Variants in RASSF3 observed in about 807,000 individuals in gnomAD.
RASSF3 encodes ras association domain-containing protein 3.
RASSF3 carries 19 observed loss-of-function variants against 19.9 expected under a neutral mutation model. The ratio of observed to expected loss-of-function variants is 0.96; its 90% CI spans 0.67 to 1.40. The LOEUF is 1.40. RASSF3 is among the 40% of genes most tolerant of loss of function. RASSF3 has a pLI of 0.00. For synonymous variants in RASSF3, 110 were observed against 104.2 expected (o/e 1.06, Z -0.34); for missense variants, 306 against 289.8 (o/e 1.06, Z -0.41).
chr12:64,671,615 T>G lies in RASSF3; in HGVS notation c.112-13172T>G, dbSNP rs897097797. On this transcript the variant is annotated intron_variant, in intron 1 of 4. Coordinates refer to ENST00000542104, the MANE Select transcript of RASSF3 (RefSeq NM_178169.4). Reference sequence around the variant, plus strand: ...TAACTTTTATTTGAATTGCTCTGACTTATCATTTAATAACTCCGGAGGACT... The same window carrying G: ...TAACTTTTATTTGAATTGCTCTGACGTATCATTTAATAACTCCGGAGGACT... 2.0e-5 allele frequency among the ~76,000 whole-genome samples: 3 copies of G among 152,250 alleles called. No individual in the cohort carries two copies. In the South Asian group the frequency reaches 6.2e-4, roughly 31 times the overall value.
At chr12:64,685,802 A>G (rs1479610165) in intron 2 of RASSF3, among the ~76,000 whole-genome samples, 1 of 152,204 alleles carries the variant, frequency 6.6e-6, no homozygotes, top group Non-Finnish European at 1.5e-5. Flanking sequence ...GCGGAGCTAG[A>G]GTATTCATGT....
intron 1 of RASSF3, among the ~76,000 whole-genome samples, chr12:64,684,525 C>T (rs1208431162): frequency 3.3e-5 from 5 of 151,414 alleles, no homozygotes; most frequent in Admixed American, 2.6e-4. Context: ...CTGCCTCTCA[C>T]GTTCAAAGTG....
intron 1 of RASSF3, among the ~76,000 whole-genome samples, chr12:64,522,091 G>T (rs369770346): frequency 3.3e-5 from 5 of 152,170 alleles, no homozygotes; most frequent in Admixed American, 2.0e-4. Flanking sequence ...ACACCATGAA[G>T]CATGAAAGCA....
intron 1 of RASSF3, among the ~76,000 whole-genome samples, chr12:64,633,638 T>C (rs940832709): frequency 8.5e-5 from 13 of 152,126 alleles, no homozygotes; most frequent in African/African-American, 3.1e-4. Context: ...CAGATACTCT[T>C]TTATAGCAAT....
intron 1 of RASSF3, among the ~76,000 whole-genome samples, chr12:64,516,435 C>T (rs1233430597): frequency 2.7e-5 from 4 of 150,572 alleles, no homozygotes; most frequent in African/African-American, 4.9e-5. Context: ...CCGACTAGAA[C>T]GGTGAAACCC....
At chr12:64,528,944 T>C (rs1191638100), upstream of RASSF3, among the ~76,000 whole-genome samples, 1 of 152,254 alleles carries the variant, frequency 6.6e-6, no homozygotes, top group Non-Finnish European at 1.5e-5. Context: ...GGCAGGTTAC[T>C]CAGCCTTTCG....
chr12:64,667,963 T>C (rs1413344266), intron 1 of RASSF3, among the ~76,000 whole-genome samples: 2 of 152,230 alleles, frequency 1.3e-5, no homozygotes, highest in African/African-American at 2.4e-5. Context: ...GTCACGCAGA[T>C]AGCTGGCAAC....
intron 2 of RASSF3, among the ~76,000 whole-genome samples, chr12:64,557,008 T>C (rs1278783616): frequency 1.3e-5 from 2 of 152,048 alleles, no homozygotes; most frequent in Non-Finnish European, 2.9e-5. Context: ...GGCTAATTTT[T>C]GTATTTTTAG....
chr12:64,642,226 G>C (rs1871560902), intron 1 of RASSF3, among the ~76,000 whole-genome samples: 2 of 151,796 alleles, frequency 1.3e-5, no homozygotes, highest in Non-Finnish European at 2.9e-5. Context: ...ACTATCTTAA[G>C]GAAAAAAGTC....
At chr12:64,650,543 G>A (rs916144337) in intron 1 of RASSF3, among the ~76,000 whole-genome samples, 4 of 146,760 alleles carry the variant, frequency 2.7e-5, no homozygotes, top group African/African-American at 1.0e-4. Flanking sequence ...AGCCTTCTAA[G>A]TAGCTGGGAT....
At chr12:64,535,537 G>A (rs966147835) in intron 1 of RASSF3, among the ~76,000 whole-genome samples, 66 of 151,854 alleles carry the variant, frequency 4.3e-4, no homozygotes, top group African/African-American at 1.5e-3. Context: ...CTAATTTTTT[G>A]TATTTTTTTG....
intron 1 of RASSF3, among the ~76,000 whole-genome samples, chr12:64,519,777 TG>T (rs1375534063): frequency 1.3e-5 from 2 of 152,100 alleles, no homozygotes; most frequent in Non-Finnish European, 2.9e-5. Context: ...AAAGTGTTTA[TG>T]TATATAAACA....
At chr12:64,559,329 C>T (rs1221786301) in intron 2 of RASSF3, among the ~76,000 whole-genome samples, 3 of 151,530 alleles carry the variant, frequency 2.0e-5, no homozygotes, top group Non-Finnish European at 4.4e-5. Flanking sequence ...CTGCAACCTC[C>T]ACCTCCCGGG....
upstream of RASSF3, among the ~76,000 whole-genome samples, chr12:64,528,319 T>C (rs932200903): frequency 3.3e-5 from 5 of 152,142 alleles, no homozygotes; most frequent in Non-Finnish European, 5.9e-5. Flanking sequence ...CTACTAAAAT[T>C]TCAAAATGTT....
chr12:64,619,179 A>T (rs1393254392), intron 1 of RASSF3, among the ~76,000 whole-genome samples: 1 of 151,900 alleles, frequency 6.6e-6, no homozygotes. Context: ...AGATGGATGG[A>T]TGTGGGGGTA....
chr12:64,551,077 A>G (rs752335929), intron 2 of RASSF3, among the ~76,000 whole-genome samples: 4 of 152,132 alleles, frequency 2.6e-5, no homozygotes, highest in Non-Finnish European at 4.4e-5. Flanking sequence ...GGCAGAGACC[A>G]GAGGAAGATG....
chr12:64,666,533 G>A (rs117543282), intron 1 of RASSF3, among the ~76,000 whole-genome samples: 4,459 of 152,288 alleles, frequency 0.029, 83 homozygotes, highest in Middle Eastern at 0.044. Flanking sequence ...TCCATTAGGT[G>A]ACTTCTTATT....
At chr12:64,591,833 T>C (rs1014492175) in intron 2 of RASSF3, among the ~76,000 whole-genome samples, 3 of 152,148 alleles carry the variant, frequency 2.0e-5, no homozygotes, top group Admixed American at 6.6e-5. Context: ...CAGTTGTGCT[T>C]CCATTATGTG....
chr12:64,529,334 T>C (rs1231810102), upstream of RASSF3, among the ~76,000 whole-genome samples: 2 of 152,206 alleles, frequency 1.3e-5, no homozygotes, highest in African/African-American at 2.4e-5. Flanking sequence ...GTAGTAGATA[T>C]CTGATTTTCC....
Sources: allele counts gnomAD v4.1 joint callset (sites outside exome capture counted in the v4.1 genomes callset), GRCh38; gene constraint gnomAD v4.1.1; transcripts MANE v1.5; gene names NCBI Gene and HGNC (gene_info 2026-07-23, HGNC 2026-07-21).